Variants in RNPEPL1 observed in about 807,000 individuals in gnomAD.
RNPEPL1 encodes aminopeptidase RNPEPL1.
In RNPEPL1, 46 loss-of-function variants were observed where a neutral mutation model predicts 69.0. That is an observed-to-expected ratio of 0.67 (90% CI 0.53 to 0.85). RNPEPL1 has a LOEUF of 0.85. Ranked by LOEUF, RNPEPL1 falls within the 40% of genes least tolerant of loss-of-function variation. The pLI, the probability that RNPEPL1 is intolerant of heterozygous loss-of-function variation, is 0.00. For synonymous variants in RNPEPL1, 525 were observed against 454.1 expected, an observed-to-expected ratio of 1.16 and a Z score of -1.98; for missense variants, 869 against 992.5, an observed-to-expected ratio of 0.88 and a Z score of 1.67.
At chr2:240,577,506 A>G (rs943502987) in intron 10 of RNPEPL1, 93 bp from the exon 11 acceptor site, 1 of 1,386,390 alleles carries the variant, frequency 7.2e-7, no homozygotes, top group African/African-American at 1.4e-5. Flanking sequence ...CTGGGAAGCC[A>G]GGGGCAGGAG....
chr2:240,575,396 C>A, intron 7 of RNPEPL1, 106 bp from the exon 8 acceptor site: 1 of 993,010 alleles, frequency 1.0e-6, no homozygotes, highest in African/African-American at 1.6e-5. Context: ...GCCCCTGTGC[C>A]CAGCACGTAC....
Position 240,574,159 on chromosome 2 carries a change from G to A in RNPEPL1, c.985G>A (p.Glu329Lys). The change falls in exon 5 of 11, where the codon GAG becomes AAG. Residue 329 changes from glutamate (E) to lysine (K), a missense_variant. Coordinates refer to ENST00000270357, the MANE Select transcript of RNPEPL1 (RefSeq NM_018226.6). ...ACCCTCCTTCCCCATCGTGGCCATG[G>A]AGAACCCCTGCCTCACCTTCATCAT... ...LPPSFPIVAM[E>K]NPCLTFIISS... The A allele has an allele frequency of 6.2e-7, 1 of 1,613,388 alleles. No homozygotes were observed. The highest frequency in any genetic ancestry group is 8.5e-7 in the Non-Finnish European group (1 of 1,179,904).
At chr2:240,572,367 T>A (rs1231957696) in intron 1 of RNPEPL1, 56 bp from the exon 2 acceptor site, 6 of 1,524,606 alleles carry the variant, frequency 3.9e-6, no homozygotes, top group Non-Finnish European at 5.3e-6. Context: ...GCCCAGTGGC[T>A]AGGGCCCAGC....
At chr2:240,575,395 C>G in intron 7 of RNPEPL1, 107 bp from the exon 8 acceptor site, 1 of 982,940 alleles carries the variant, frequency 1.0e-6, no homozygotes, top group Non-Finnish European at 1.6e-6. Flanking sequence ...TGCCCCTGTG[C>G]CCAGCACGTA....
At chr2:240,575,230 T>A (rs952533583) in intron 7 of RNPEPL1, 88 bp downstream of exon 7, 1 of 1,097,176 alleles carries the variant, frequency 9.1e-7, no homozygotes, top group Non-Finnish European at 1.4e-6. Context: ...TTGCGGCAGT[T>A]GGGGTGGAAC....
intron 5 of RNPEPL1, 50 bp from the exon 6 acceptor site, chr2:240,574,465 G>A (rs758793961): frequency 2.9e-5 from 45 of 1,558,536 alleles, no homozygotes; most frequent in Middle Eastern, 3.4e-4. Context: ...TGCTTCCCCC[G>A]ACGACCCCTA....
chr2:240,576,426 C>A, intron 8 of RNPEPL1, 109 bp from the exon 9 acceptor site: 1 of 1,066,074 alleles, frequency 9.4e-7, no homozygotes, highest in African/African-American at 1.6e-5. Context: ...GTCCCTGGAA[C>A]AGGCCACCTG....
chr2:240,574,745 C>A, intron 6 of RNPEPL1, 117 bp downstream of exon 6: 1 of 941,304 alleles, frequency 1.1e-6, no homozygotes, highest in Non-Finnish European at 1.6e-6. Flanking sequence ...GCCTGGACCC[C>A]TGCCAAGGCC....
chr2:240,572,297 C>T, intron 1 of RNPEPL1, 126 bp from the exon 2 acceptor site: 2 of 1,172,272 alleles, frequency 1.7e-6, no homozygotes, highest in Non-Finnish European at 2.4e-6. Flanking sequence ...GCCCTCGAAC[C>T]CAGCAAGATA....
At chr2:240,571,101 C>A (rs1035891915) in intron 1 of RNPEPL1, among the ~76,000 whole-genome samples, 2 of 152,146 alleles carry the variant, frequency 1.3e-5, no homozygotes, top group Admixed American at 6.5e-5. Context: ...CAGCCCCCCC[C>A]AAGGGGGAGG....
chr2:240,570,068 G>A (rs1288054689), intron 1 of RNPEPL1, among the ~76,000 whole-genome samples: 1 of 152,236 alleles, frequency 6.6e-6, no homozygotes, highest in African/African-American at 2.4e-5. Flanking sequence ...CCGCTGGCTA[G>A]CCGGCCCCGC....
At chr2:240,573,030 G>A in intron 2 of RNPEPL1, 80 bp from the exon 3 acceptor site, 1 of 1,442,322 alleles carries the variant, frequency 6.9e-7, no homozygotes, top group Non-Finnish European at 9.2e-7. Flanking sequence ...CGAATATGGG[G>A]CTGCCTGACA....
intron 5 of RNPEPL1, 29 bp downstream of exon 5, chr2:240,574,377 C>T (rs751186126): frequency 7.6e-6 from 12 of 1,581,748 alleles, no homozygotes; most frequent in Middle Eastern, 1.7e-4. Flanking sequence ...AGGGCAGCCA[C>T]GGGGGGCCCT....
In RNPEPL1 at chr2:240,579,833, CTT is replaced by C. The variant is rs2093048136; in HGVS notation, c.*1943_*1944del. The C allele has an allele frequency of 6.6e-6, 1 of 152,296 alleles. No individual in the cohort carries two copies. The highest frequency in any genetic ancestry group is 2.4e-5 in the African/African-American group (1 of 41,472). 9.4% of individuals were successfully genotyped at this position (152,296 alleles called of 1,614,324 possible). On this transcript the variant is annotated 3_prime_UTR_variant, in exon 11 of 11. Transcript: ENST00000270357. The stretch of plus-strand genomic sequence containing the variant: ...GTTTTCAAGTCCCAGCAGTCACAGA[CTT>C]TCATCCTGGGCTCTTCTTTCTTTTG...
chr2:240,571,675 T>C (rs1412018027), intron 1 of RNPEPL1, among the ~76,000 whole-genome samples: 4 of 151,684 alleles, frequency 2.6e-5, no homozygotes, highest in African/African-American at 9.7e-5. Flanking sequence ...TCAACAGCTT[T>C]GGTGCAGATG....
In RNPEPL1 at chr2:240,573,341, C is replaced by T. The variant is rs117634539; in HGVS notation, c.821+80C>T. 3.1e-4 allele frequency: 444 copies of T among 1,446,518 alleles called. 1 individual carries two copies. The East Asian group carries it at 0.01, about 34-fold the overall frequency. 89.6% of individuals were successfully genotyped at this position (1,446,518 alleles called of 1,614,324 possible). A position where few individuals can be genotyped will look rare whatever the true frequency, so the allele number is the denominator to read the frequency against. On this transcript the variant is annotated intron_variant, in intron 3 of 10. Transcript: ENST00000270357. ...ACCGGGGGTCTGTGGCCTGTGTCCA[C>T]GGCTGCCCTGCTGAGGACCCCCACT...
chr2:240,569,196 G>C, intron 1 of RNPEPL1, 82 bp downstream of exon 1: 1 of 1,345,360 alleles, frequency 7.4e-7, no homozygotes, highest in Non-Finnish European at 9.5e-7. Context: ...CCAGGCTGAG[G>C]GACGCGAATC....
chr2:240,573,700 G>A (rs2093029205), intron 3 of RNPEPL1, 75 bp from the exon 4 acceptor site: 3 of 1,258,744 alleles, frequency 2.4e-6, no homozygotes, highest in East Asian at 2.6e-5. Flanking sequence ...GGAGCCCCAG[G>A]GCAGTGGGAG....
chr2:240,575,506 A>G lies in RNPEPL1; in HGVS notation c.1406A>G (p.Tyr469Cys). ...GGCCCCACCTCTGCCACACAGGCCT[A>G]TGTGGAGAAGTACAAGTTCACCAGC... is the stretch of plus-strand genomic sequence containing the variant. ...PQRFDDFLRA[Y>C]VEKYKFTSVV... The change falls in exon 8 of 11, where the codon TAT becomes TGT. Residue 469 changes from tyrosine to cysteine, a missense_variant. This residue lies in a region of RNPEPL1 where 610 missense variants were observed against 790.9 expected (regional missense o/e 0.77). Coordinates refer to ENST00000270357, the MANE Select transcript of RNPEPL1 (RefSeq NM_018226.6). 6 of 1,612,200 alleles carry G rather than the reference A, an allele frequency of 3.7e-6. No homozygotes were observed. The highest frequency in any genetic ancestry group is 5.1e-6 in the Non-Finnish European group (6 of 1,178,850).
Sources: gnomAD v4.1 joint callset for allele counts (sites outside exome capture counted in the v4.1 genomes callset) on GRCh38, gnomAD v4.1.1 for gene constraint, gnomAD v4.1.1 regional missense constraint, MANE v1.5 for transcripts, NCBI Gene and HGNC (gene_info 2026-07-23, HGNC 2026-07-21) for gene names.